The following DOCK4 variants were observed in gnomAD, a reference collection of about 807,000 sequenced individuals.
The protein encoded by DOCK4 is dedicator of cytokinesis 4, also known as dedicator of cytokinesis protein 4.
A neutral mutation model predicts 268.1 loss-of-function variants in DOCK4; 97 were observed. The observed-to-expected ratio is 0.36, with a 90% CI of 0.31 to 0.43. The LOEUF is 0.43. DOCK4 is among the 20% of genes least tolerant of loss of function. DOCK4 has a pLI of 1.00. For missense variants in DOCK4, 2,145 were observed against 2,455.7 expected, an observed-to-expected ratio of 0.87 and a Z score of 2.67; for synonymous variants, 954 against 887.2, an observed-to-expected ratio of 1.08 and a Z score of -1.34.
rs183348595 is a variant in DOCK4 at position 111,822,834 on chromosome 7, A to T, written c.2836-378T>A. ...ACTTTTCAATGCAGGAGAACAATGA[A>T]CAGTCCTGGCTCAGCTCTGCTTTCC... On this transcript the variant is annotated intron_variant, in intron 26 of 52. Transcript: ENST00000428084. 3.2e-3 allele frequency among the ~76,000 whole-genome samples: 490 copies of T among 152,354 alleles called. 4 individuals are homozygous for T. The highest frequency in any genetic ancestry group is 0.011 in the African/African-American group (461 of 41,582).
At chr7:112,149,184 C>A (rs1210070822) in intron 1 of DOCK4, among the ~76,000 whole-genome samples, 1 of 152,160 alleles carries the variant, frequency 6.6e-6, no homozygotes, top group Non-Finnish European at 1.5e-5. Context: ...AAAGATGGTG[C>A]AACTGCGCGG....
At chr7:111,740,198 C>G in intron 47 of DOCK4, 1 of 356,338 alleles carries the variant, frequency 2.8e-6, no homozygotes, top group South Asian at 2.0e-5. Flanking sequence ...CTCCCAGGTT[C>G]AAGCGATTCT....
chr7:111,945,373 A>G (rs1795536624), intron 9 of DOCK4, among the ~76,000 whole-genome samples: 1 of 152,112 alleles, frequency 6.6e-6, no homozygotes, highest in African/African-American at 2.4e-5. Context: ...TTTAGTAGAG[A>G]CGGGGTTTCA....
intron 52 of DOCK4, among the ~76,000 whole-genome samples, chr7:111,729,110 T>C (rs2133349382): frequency 6.6e-6 from 1 of 152,262 alleles, no homozygotes; most frequent in African/African-American, 2.4e-5. Flanking sequence ...GTTTGTGGTA[T>C]TTTGTGAGGG....
chr7:111,926,847 AAG>A (rs960423208), intron 12 of DOCK4, among the ~76,000 whole-genome samples: 8 of 150,338 alleles, frequency 5.3e-5, no homozygotes, highest in African/African-American at 2.0e-4. Context: ...AAGAAAGAGA[AAG>A]AGAAAAAGAG....
chr7:112,038,672 A>G (rs1222849368), intron 1 of DOCK4, among the ~76,000 whole-genome samples: 2 of 152,240 alleles, frequency 1.3e-5, no homozygotes, highest in Non-Finnish European at 2.9e-5. Context: ...CCAGCGGGTC[A>G]CATTTCTCCT....
chr7:111,816,690 A>G (rs1469389895), intron 27 of DOCK4, among the ~76,000 whole-genome samples: 1 of 152,258 alleles, frequency 6.6e-6, no homozygotes, highest in Non-Finnish European at 1.5e-5. Context: ...ACAGGGGCAG[A>G]GACTAGTAAG....
rs1206289108 is a variant in DOCK4 at position 111,767,081 on chromosome 7, G to A, written c.3866C>T (p.Ala1289Val). ...ENGIILCRKIAEQYESYYDYR... is the reference protein window; with the variant it reads ...ENGIILCRKIVEQYESYYDYR... ...GTCATAATAACTCTCATACTGCTCTGCAATCTTCCGGCACAAGATAATGCC... is the reference window on the plus strand; with the variant it reads ...GTCATAATAACTCTCATACTGCTCTACAATCTTCCGGCACAAGATAATGCC... Residue 1289 changes from alanine (A) to valine (V), a missense_variant, in exon 38 of 53, where the codon GCA becomes GTA. Transcript: ENST00000428084. 2 of 1,613,714 alleles carry A rather than the reference G, an allele frequency of 1.2e-6. No individual in the cohort carries two copies. Among genetic ancestry groups the A allele is most frequent in the Admixed American group, 3.3e-5 (2 of 60,008 alleles).
intron 1 of DOCK4, among the ~76,000 whole-genome samples, chr7:112,135,173 T>C (rs1051272527): frequency 1.3e-5 from 2 of 152,166 alleles, no homozygotes; most frequent in African/African-American, 4.8e-5. Context: ...TTCTTTTATA[T>C]TACTAAATTG....
At chr7:112,151,749 G>A (rs1421507741) in intron 1 of DOCK4, among the ~76,000 whole-genome samples, 5 of 140,372 alleles carry the variant, frequency 3.6e-5, no homozygotes, top group Non-Finnish European at 7.8e-5. Context: ...AGTTCAGCAA[G>A]AAGTAGAGAT....
intron 27 of DOCK4, among the ~76,000 whole-genome samples, chr7:111,817,259 T>C (rs560815135): frequency 3.9e-5 from 6 of 152,298 alleles, no homozygotes; most frequent in African/African-American, 9.6e-5. Context: ...TAAGTATCTA[T>C]TATCTCCCTG....
At chr7:111,973,746 AC>A (rs1457382206) in intron 8 of DOCK4, among the ~76,000 whole-genome samples, 5 of 152,020 alleles carry the variant, frequency 3.3e-5, no homozygotes, top group African/African-American at 1.2e-4. Context: ...GGGGGTAAAC[AC>A]AAAAATTGGA....
chr7:112,184,628 G>A (rs1202635931), intron 1 of DOCK4, among the ~76,000 whole-genome samples: 1 of 152,032 alleles, frequency 6.6e-6, no homozygotes, highest in Non-Finnish European at 1.5e-5. Flanking sequence ...GGCCCTTGGA[G>A]TCAGCTGGTG....
At position 111,939,934 on chromosome 7, in the gene DOCK4, G is replaced by A. The variant is rs116439355; in HGVS notation, c.977+176C>T. 6.7e-3 allele frequency among the ~76,000 whole-genome samples: 1,025 copies of A among 152,198 alleles called. 15 individuals carry two copies. Among genetic ancestry groups the A allele is most frequent in the African/African-American group, 0.023 (966 of 41,516 alleles). The stretch of plus-strand genomic sequence containing the variant: ...CTTAATTCAGTAATTCCTCTGACTG[G>A]CAAATTGTGGCTTGTAGGCTCACTT... On this transcript the variant is annotated intron_variant, in intron 11 of 52. Transcript: ENST00000428084.
At chr7:111,754,662 G>A (rs1249051941) in intron 42 of DOCK4, among the ~76,000 whole-genome samples, 5 of 152,206 alleles carry the variant, frequency 3.3e-5, no homozygotes, top group South Asian at 2.1e-4. Flanking sequence ...GGCTGACATC[G>A]AGGTGCTGTC....
chr7:112,053,608 C>G (rs1805557697), intron 1 of DOCK4, among the ~76,000 whole-genome samples: 1 of 152,198 alleles, frequency 6.6e-6, no homozygotes, highest in African/African-American at 2.4e-5. Flanking sequence ...TTTCCAAACA[C>G]TTGACAATAC....
At chr7:111,945,683 A>T (rs748832955) in intron 9 of DOCK4, 34 bp downstream of exon 9, 9 of 1,508,046 alleles carry the variant, frequency 6.0e-6, no homozygotes, top group Non-Finnish European at 8.2e-6. Context: ...TAACTGGATG[A>T]ATCTGCCTTA....
chr7:111,789,708 T>C (rs1278387401), intron 31 of DOCK4, among the ~76,000 whole-genome samples: 1 of 152,210 alleles, frequency 6.6e-6, no homozygotes, highest in African/African-American at 2.4e-5. Flanking sequence ...TGCAGTCAGA[T>C]TGCTTGACTG....
intron 1 of DOCK4, among the ~76,000 whole-genome samples, chr7:112,161,025 G>A (rs1227824154): frequency 6.6e-6 from 1 of 152,128 alleles, no homozygotes; most frequent in Non-Finnish European, 1.5e-5. Flanking sequence ...CAACTCAAGT[G>A]AGTCATAGGC....
Sources: allele counts gnomAD v4.1 joint callset (sites outside exome capture counted in the v4.1 genomes callset), GRCh38; gene constraint gnomAD v4.1.1; transcripts MANE v1.5; gene names NCBI Gene and HGNC (gene_info 2026-07-23, HGNC 2026-07-21).